Variants in ATP8A2 observed in about 807,000 individuals in gnomAD.
ATP8A2 encodes the protein ATPase phospholipid transporting 8A2.
In ATP8A2, 100 loss-of-function variants were observed where a neutral mutation model predicts 165.6. That is an observed-to-expected ratio of 0.60 (90% CI 0.51 to 0.71). ATP8A2 has a LOEUF of 0.71. Among genes scored for constraint, ATP8A2 ranks in the 30% least tolerant of loss-of-function variants. The pLI is 0.00. For synonymous variants in ATP8A2, 543 were observed against 548.8 expected, an observed-to-expected ratio of 0.99 and a Z score of 0.15; for missense variants, 1,227 against 1,479.5, an observed-to-expected ratio of 0.83 and a Z score of 2.80.
intron 24 of ATP8A2, among the ~76,000 whole-genome samples, chr13:25,690,385 G>T (rs2042698897): frequency 6.6e-6 from 1 of 150,406 alleles, no homozygotes; most frequent in Admixed American, 6.6e-5. Flanking sequence ...TAAGAAATTT[G>T]TGACTTTTTT....
intron 24 of ATP8A2, among the ~76,000 whole-genome samples, chr13:25,668,230 T>A (rs545518969): frequency 6.6e-6 from 1 of 152,328 alleles, no homozygotes; most frequent in East Asian, 1.9e-4. Flanking sequence ...CAGGCCTAGC[T>A]CCTTTAGCTA....
intron 28 of ATP8A2, among the ~76,000 whole-genome samples, chr13:25,829,899 G>A (rs374063806): frequency 1.3e-5 from 2 of 150,904 alleles, no homozygotes; most frequent in East Asian, 3.9e-4. Context: ...GTCAAAATAA[G>A]GCCCACAGAC....
At chr13:25,719,379 C>T (rs543324404) in intron 25 of ATP8A2, among the ~76,000 whole-genome samples, 1 of 151,788 alleles carries the variant, frequency 6.6e-6, no homozygotes, top group Non-Finnish European at 1.5e-5. Context: ...GAGAAGCTGG[C>T]TTAGCAGTTC....
intron 35 of ATP8A2, among the ~76,000 whole-genome samples, chr13:25,977,234 T>A (rs1488357237): frequency 1.3e-5 from 2 of 151,848 alleles, no homozygotes; most frequent in Admixed American, 1.3e-4. Context: ...TTTAATCTTG[T>A]AGAGCAAAGA....
intron 27 of ATP8A2, among the ~76,000 whole-genome samples, chr13:25,797,221 T>C (rs1330942573): frequency 1.3e-5 from 2 of 152,094 alleles, no homozygotes; most frequent in Non-Finnish European, 2.9e-5. Flanking sequence ...TGAGCCAAGA[T>C]CGCACCATTG....
At chr13:25,867,720 G>C (rs1446996092) in intron 33 of ATP8A2, among the ~76,000 whole-genome samples, 1 of 152,134 alleles carries the variant, frequency 6.6e-6, no homozygotes. Context: ...GACACTTGCT[G>C]GGGGCTTCCA....
intron 24 of ATP8A2, among the ~76,000 whole-genome samples, chr13:25,611,837 T>G (rs2138440082): frequency 6.6e-6 from 1 of 152,284 alleles, no homozygotes; most frequent in African/African-American, 2.4e-5. Context: ...CTTTTCACGG[T>G]TTCTATTTAT....
intron 24 of ATP8A2, among the ~76,000 whole-genome samples, chr13:25,594,866 A>G (rs2040190889): frequency 6.6e-6 from 1 of 152,098 alleles, no homozygotes. Flanking sequence ...TCATTGTACA[A>G]AAAAGATACT....
chr13:25,557,397 C>T (rs1223829238), intron 13 of ATP8A2, among the ~76,000 whole-genome samples: 1 of 151,942 alleles, frequency 6.6e-6, no homozygotes, highest in African/African-American at 2.4e-5. Flanking sequence ...TCTAGAATGG[C>T]TTTGTCATTT....
chr13:25,626,400 G>A (rs562356551), intron 24 of ATP8A2, among the ~76,000 whole-genome samples: 1 of 152,258 alleles, frequency 6.6e-6, no homozygotes, highest in Admixed American at 6.5e-5. Context: ...TCAGGTTTCT[G>A]TACATCTTCT....
intron 1 of ATP8A2, among the ~76,000 whole-genome samples, chr13:25,412,582 G>A (rs1317941439): frequency 6.6e-6 from 1 of 152,238 alleles, no homozygotes; most frequent in Non-Finnish European, 1.5e-5. Context: ...GGACTTATAA[G>A]AAGGGCCTTC....
chr13:25,874,465 TACTC>T (rs1460879314), intron 33 of ATP8A2, among the ~76,000 whole-genome samples: 1 of 152,226 alleles, frequency 6.6e-6, no homozygotes, highest in African/African-American at 2.4e-5. Context: ...TGTTGTATAA[TACTC>T]ACCACAACTA....
chr13:25,812,442 C>T (rs1950901377), intron 27 of ATP8A2, among the ~76,000 whole-genome samples: 1 of 662 alleles, frequency 1.5e-3, no homozygotes, highest in Non-Finnish European at 4.9e-3. Flanking sequence ...CACTCACATT[C>T]CTGAAGTATA....
chr13:25,874,158 G>A (rs1952759277), intron 33 of ATP8A2, among the ~76,000 whole-genome samples: 1 of 152,170 alleles, frequency 6.6e-6, no homozygotes, highest in Non-Finnish European at 1.5e-5. Context: ...AAAGCCTGGG[G>A]ACATTTACCT....
chr13:25,937,218 C>T (rs994204451), intron 33 of ATP8A2, among the ~76,000 whole-genome samples: 2 of 151,968 alleles, frequency 1.3e-5, no homozygotes, highest in East Asian at 1.9e-4. Context: ...CATACAAAAA[C>T]GCAAGTAAAA....
chr13:25,797,491 G>A (rs938098468), intron 27 of ATP8A2, among the ~76,000 whole-genome samples: 2 of 151,908 alleles, frequency 1.3e-5, no homozygotes, highest in Non-Finnish European at 2.9e-5. Context: ...TTGGTAATTG[G>A]TTATAGTACG....
intron 27 of ATP8A2, among the ~76,000 whole-genome samples, chr13:25,785,033 G>A (rs1172078308): frequency 6.6e-6 from 1 of 151,916 alleles, no homozygotes; most frequent in Non-Finnish European, 1.5e-5. Flanking sequence ...AAAGTGCCGG[G>A]ATTACAGGCA....
At chr13:25,611,444 C>T (rs528486688) in intron 24 of ATP8A2, among the ~76,000 whole-genome samples, 11 of 152,206 alleles carry the variant, frequency 7.2e-5, no homozygotes, top group African/African-American at 2.6e-4. Flanking sequence ...TGGTGTATCA[C>T]ATTTATTAAC....
At chr13:26,008,439 G>A (rs1358943823) in intron 35 of ATP8A2, among the ~76,000 whole-genome samples, 3 of 152,090 alleles carry the variant, frequency 2.0e-5, no homozygotes, top group Non-Finnish European at 4.4e-5. Context: ...AAAAACATGG[G>A]AGAGATTGAG....
Sources: allele counts gnomAD v4.1 joint callset (sites outside exome capture counted in the v4.1 genomes callset), GRCh38; gene constraint gnomAD v4.1.1; transcripts MANE v1.5; gene names NCBI Gene and HGNC (gene_info 2026-07-23, HGNC 2026-07-21).